Variants in ENPP6 observed in about 807,000 individuals in gnomAD.
ENPP6 encodes glycerophosphocholine cholinephosphodiesterase ENPP6.
Under a neutral mutation model 42.0 loss-of-function variants are expected in ENPP6, and 32 were observed. The observed-to-expected ratio is 0.76, with a 90% CI of 0.58 to 1.02. The LOEUF (loss-of-function observed/expected upper bound fraction) is 1.02. ENPP6 is among the 50% of genes least tolerant of loss of function. The pLI, the probability that ENPP6 is intolerant of heterozygous loss-of-function variation, is 0.00. For missense variants in ENPP6, 552 were observed against 566.8 expected (o/e 0.97, Z 0.27); for synonymous variants, 213 against 216.0 (o/e 0.99, Z 0.12).
intron 6 of ENPP6, among the ~76,000 whole-genome samples, chr4:184,111,623 G>T (rs545528997): frequency 6.6e-6 from 1 of 152,352 alleles, no homozygotes; most frequent in South Asian, 2.1e-4. Flanking sequence ...GGACCTCGCT[G>T]GTCTCTGCTC....
At chr4:184,205,666 A>G (rs972271692) in intron 1 of ENPP6, among the ~76,000 whole-genome samples, 4 of 152,152 alleles carry the variant, frequency 2.6e-5, no homozygotes, top group African/African-American at 9.7e-5. Flanking sequence ...ACTGCTTTCA[A>G]AACAGGGCTG....
rs530916771 is a variant in ENPP6 at position 184,102,556 on chromosome 4, A to C, written c.994-5188T>G. Among the ~76,000 whole-genome samples the C allele has an allele frequency of 2.0e-5, 3 of 152,356 alleles. No individual in the cohort carries two copies. In the South Asian group the frequency reaches 6.2e-4, roughly 32 times the overall value. ...ATAACGGAGGAGGCTGGTGGCCAAC[A>C]GCTGCCCAACATCCGGCCTCCAGCT... On this transcript the variant is annotated intron_variant, in intron 6 of 7. Coordinates refer to ENST00000296741, the MANE Select transcript of ENPP6 (RefSeq NM_153343.4).
chr4:184,196,757 G>C (rs535539843), intron 1 of ENPP6, among the ~76,000 whole-genome samples: 3 of 152,170 alleles, frequency 2.0e-5, no homozygotes, highest in Non-Finnish European at 4.4e-5. Context: ...TTCCCAGAGA[G>C]GCCTCCAACA....
At chr4:184,168,491 C>T (rs1180370597) in intron 1 of ENPP6, among the ~76,000 whole-genome samples, 6 of 149,092 alleles carry the variant, frequency 4.0e-5, no homozygotes, top group Admixed American at 4.0e-4. Context: ...GCACAGGAAG[C>T]TGGAAGCTTT....
chr4:184,151,887 C>T (rs1737056172), intron 2 of ENPP6, among the ~76,000 whole-genome samples: 2 of 152,168 alleles, frequency 1.3e-5, no homozygotes, highest in Admixed American at 1.3e-4. Flanking sequence ...TAAATCTAGT[C>T]CAACTCCACG....
chr4:184,117,608 AT>A, intron 4 of ENPP6, 150 bp downstream of exon 4: 1 of 1,119,452 alleles, frequency 8.9e-7, no homozygotes, highest in Non-Finnish European at 1.3e-6. Context: ...CGCAGGAGGC[AT>A]TGTGTGAAGC....
At chr4:184,095,333 G>A (rs1239608272) in intron 7 of ENPP6, among the ~76,000 whole-genome samples, 1 of 152,066 alleles carries the variant, frequency 6.6e-6, no homozygotes. Context: ...AAAATTTGGG[G>A]TTTGGGGCTA....
intron 1 of ENPP6, among the ~76,000 whole-genome samples, chr4:184,165,957 C>A (rs1401955078): frequency 6.6e-6 from 1 of 152,162 alleles, no homozygotes; most frequent in Non-Finnish European, 1.5e-5. Context: ...TTAGTTTAGA[C>A]CCTGCTTAGA....
chr4:184,110,630 C>T (rs1736182091), intron 6 of ENPP6, among the ~76,000 whole-genome samples: 1 of 152,138 alleles, frequency 6.6e-6, no homozygotes, highest in Non-Finnish European at 1.5e-5. Flanking sequence ...TTGGAATGTC[C>T]TGACGGGATA....
chr4:184,150,119 G>T (rs1737001095), intron 2 of ENPP6, among the ~76,000 whole-genome samples: 1 of 152,046 alleles, frequency 6.6e-6, no homozygotes, highest in African/African-American at 2.4e-5. Flanking sequence ...CTGACTTAGG[G>T]CCTGGGATCA....
chr4:184,126,625 A>G (rs773688778), intron 2 of ENPP6, among the ~76,000 whole-genome samples: 1 of 152,226 alleles, frequency 6.6e-6, no homozygotes, highest in Non-Finnish European at 1.5e-5. Context: ...TCCAACTTGC[A>G]GAAAGCTGTA....
At chr4:184,133,483 T>TAATTAA (rs1354480958) in intron 2 of ENPP6, among the ~76,000 whole-genome samples, 2 of 152,194 alleles carry the variant, frequency 1.3e-5, no homozygotes, top group African/African-American at 4.8e-5. Context: ...TCAAAATGCC[T>TAATTAA]CTTATTAATT....
chr4:184,157,732 C>G (rs1426489123), intron 1 of ENPP6, among the ~76,000 whole-genome samples: 3 of 150,928 alleles, frequency 2.0e-5, no homozygotes, highest in Non-Finnish European at 2.9e-5. Context: ...CTCAGCCTCC[C>G]AAGTAGCTGG....
intron 1 of ENPP6, among the ~76,000 whole-genome samples, chr4:184,211,717 A>T (rs1478109443): frequency 6.6e-6 from 1 of 150,898 alleles, no homozygotes; most frequent in Non-Finnish European, 1.5e-5. Flanking sequence ...AAAAAGAGGG[A>T]ATCCTCCCTA....
chr4:184,093,606 T>A (rs1351593287), intron 7 of ENPP6, among the ~76,000 whole-genome samples: 3 of 149,956 alleles, frequency 2.0e-5, no homozygotes, highest in African/African-American at 7.4e-5. Flanking sequence ...GCCATTGCAC[T>A]CCAGCCTGGG....
intron 1 of ENPP6, among the ~76,000 whole-genome samples, chr4:184,193,460 T>C (rs1732736040): frequency 1.3e-5 from 2 of 152,198 alleles, no homozygotes; most frequent in Non-Finnish European, 2.9e-5. Context: ...GGAGGTTGCT[T>C]AGGGCTGGAG....
intron 2 of ENPP6, among the ~76,000 whole-genome samples, chr4:184,140,202 AAGG>A (rs1356063364): frequency 2.0e-5 from 3 of 152,016 alleles, no homozygotes; most frequent in Non-Finnish European, 4.4e-5. Context: ...GGACCTCTTT[AAGG>A]AGAACTACAA....
intron 1 of ENPP6, among the ~76,000 whole-genome samples, chr4:184,215,196 A>G (rs1381942074): frequency 6.6e-6 from 1 of 152,148 alleles, no homozygotes; most frequent in Non-Finnish European, 1.5e-5. Flanking sequence ...GAAGAACACC[A>G]AGGGCTTTCT....
intron 1 of ENPP6, among the ~76,000 whole-genome samples, chr4:184,198,160 G>T (rs1247483284): frequency 6.6e-6 from 1 of 152,260 alleles, no homozygotes; most frequent in Non-Finnish European, 1.5e-5. Context: ...GGGCTTGGCA[G>T]CAAAACTCCA....
Sources: gnomAD v4.1 joint callset for allele counts (sites outside exome capture counted in the v4.1 genomes callset) on GRCh38, gnomAD v4.1.1 for gene constraint, MANE v1.5 for transcripts, NCBI Gene and HGNC (gene_info 2026-07-23, HGNC 2026-07-21) for gene names.